Variants in RPS6KA3 observed in about 807,000 individuals in gnomAD.
The protein encoded by RPS6KA3 is ribosomal protein S6 kinase alpha-3.
Under a neutral mutation model 67.2 loss-of-function variants are expected in RPS6KA3, and 4 were observed. The ratio of observed to expected loss-of-function variants is 0.06; its 90% CI spans 0.03 to 0.14. The LOEUF (loss-of-function observed/expected upper bound fraction) is 0.14, where lower values mean the gene tolerates loss of function less well. Among genes scored for constraint, RPS6KA3 ranks in the 10% least tolerant of loss-of-function variants. The probability of loss-of-function intolerance (pLI) is 1.00; values close to 1 mark genes in which losing one functional copy is unlikely to be tolerated. For missense variants in RPS6KA3, 204 were observed against 559.0 expected (o/e 0.36, Z 6.40); for synonymous variants, 182 against 183.7 (o/e 0.99, Z 0.07).
intron 2 of RPS6KA3, among the ~76,000 whole-genome samples, chrX:20,229,633 G>A (rs1938323458): frequency 8.9e-6 from 1 of 112,164 alleles, no homozygotes; most frequent in Non-Finnish European, 1.9e-5. Context: ...CGTTCCCTAT[G>A]TAAATTATTA....
At chrX:20,204,472 G>A (rs2068523983) in intron 3 of RPS6KA3, among the ~76,000 whole-genome samples, 1 of 112,174 alleles carries the variant, frequency 8.9e-6, no homozygotes, top group Non-Finnish European at 1.9e-5. Flanking sequence ...GAATTCTACT[G>A]AGCCCGTCAA....
At chrX:20,229,709 TAATA>T (rs1337355334) in intron 2 of RPS6KA3, among the ~76,000 whole-genome samples, 1 of 112,465 alleles carries the variant, frequency 8.9e-6, no homozygotes, top group Non-Finnish European at 1.9e-5. Context: ...ATTATAAGGT[TAATA>T]AATATTTTGA....
At position 20,252,733 on chromosome X, in the gene RPS6KA3, C is replaced by A. The variant is rs180844244; in HGVS notation, c.69+13831G>T. ...GCACTATAAAGCCAAAAGCTCAGCT[C>A]CCCAAAGGACCCAGCTAACAACAGG... On this transcript the variant is annotated intron_variant, in intron 1 of 21. Coordinates refer to ENST00000379565, the MANE Select transcript of RPS6KA3 (RefSeq NM_004586.3). 3.6e-5 allele frequency among the ~76,000 whole-genome samples: 4 copies of A among 110,931 alleles called. No individual in the cohort carries two copies. The Admixed American group carries it at 3.8e-4, about 11-fold the overall frequency.
intron 3 of RPS6KA3, among the ~76,000 whole-genome samples, chrX:20,208,272 CG>C (rs943238638): frequency 2.7e-5 from 3 of 110,470 alleles, no homozygotes; most frequent in African/African-American, 9.9e-5. Flanking sequence ...AATGCTCACC[CG>C]GGGGTTGGGG....
chrX:20,227,413 G>T (rs2148770599), intron 2 of RPS6KA3, among the ~76,000 whole-genome samples: 1 of 111,445 alleles, frequency 9.0e-6, no homozygotes, highest in South Asian at 3.8e-4. Flanking sequence ...AAAATATCTT[G>T]GCTGAAAATC....
rs1411086750 is a variant in RPS6KA3 at position 20,154,293 on chromosome X, G to A, written c.*1105C>T. 1 of 112,623 alleles carries A rather than the reference G, an allele frequency of 8.9e-6. No individual in the cohort carries two copies. The highest frequency in any genetic ancestry group is 3.2e-5 in the African/African-American group (1 of 31,035). The allele number at this position is 112,623 out of a possible 1,213,427, so 9.3% of individuals were successfully genotyped here. ...AATAATGTTTTATTCCCTAAAATAA[G>A]AAAGTTTAAATCCAATTTCATACAG... On this transcript the variant is annotated 3_prime_UTR_variant, in exon 22 of 22. Transcript: ENST00000379565.
At chrX:20,264,305 T>C (rs1219939143) in intron 1 of RPS6KA3, among the ~76,000 whole-genome samples, 1 of 112,286 alleles carries the variant, frequency 8.9e-6, no homozygotes, top group Non-Finnish European at 1.9e-5. Flanking sequence ...AACATGATAG[T>C]AACTGAAATA....
intron 1 of RPS6KA3, among the ~76,000 whole-genome samples, chrX:20,252,901 G>T (rs1322819219): frequency 2.7e-5 from 3 of 110,824 alleles, no homozygotes; most frequent in Non-Finnish European, 5.7e-5. Flanking sequence ...CAACCATCTT[G>T]TTCTGCCTCG....
Position 20,168,261 on chromosome X carries a change from TG to T in RPS6KA3, c.1444-515del, listed in dbSNP as rs777928262. On this transcript the variant is annotated intron_variant, in intron 16 of 21. Transcript: ENST00000379565. ...CCAGGGAAAGATACTTTACTTGTCC[TG>T]GGGGTGGCAATGGGCAGGGCAGGCT... 1.8e-4 allele frequency among the ~76,000 whole-genome samples: 20 copies of T among 111,882 alleles called. No homozygotes were observed. In the South Asian group the frequency reaches 7.1e-3, roughly 40 times the overall value.
intron 2 of RPS6KA3, among the ~76,000 whole-genome samples, chrX:20,218,115 C>T (rs1425438114): frequency 8.9e-6 from 1 of 112,176 alleles, no homozygotes; most frequent in African/African-American, 3.2e-5. Context: ...TCCCGATCAG[C>T]AAATTTAATT....
chrX:20,182,700 C>T (rs2067874835), intron 10 of RPS6KA3, among the ~76,000 whole-genome samples: 1 of 111,620 alleles, frequency 9.0e-6, no homozygotes, highest in Non-Finnish European at 1.9e-5. Flanking sequence ...ATTCTTTTAA[C>T]ATGGGTGCAT....
rs73193576 is a variant in RPS6KA3, at chrX:20,228,827, C to T, written c.126+5931G>A. Among the ~76,000 whole-genome samples the T allele has an allele frequency of 6.4e-3, 719 of 111,846 alleles. 2 individuals carry two copies. Among genetic ancestry groups the T allele is most frequent in the Middle Eastern group, 0.028 (6 of 217 alleles). On this transcript the variant is annotated intron_variant, in intron 2 of 21. Coordinates refer to ENST00000379565, the MANE Select transcript of RPS6KA3 (RefSeq NM_004586.3). ...TATTTATATCTTGTGGTTCAAGTTA[C>T]AGATATCTTCTGATTTCAAAGACCA...
intron 2 of RPS6KA3, among the ~76,000 whole-genome samples, chrX:20,225,259 T>G (rs1399501554): frequency 7.4e-4 from 76 of 102,538 alleles, no homozygotes; most frequent in African/African-American, 2.6e-3. Flanking sequence ...TTTTTTGTTT[T>G]TTTTTTTTTT....
intron 10 of RPS6KA3, among the ~76,000 whole-genome samples, chrX:20,185,290 T>C (rs926207963): frequency 8.9e-6 from 1 of 111,963 alleles, no homozygotes; most frequent in African/African-American, 3.2e-5. Context: ...ATGGAATAGA[T>C]TTTTGTTTAT....
At chrX:20,203,389 G>C (rs1455884469) in intron 4 of RPS6KA3, 2 of 109,512 alleles carry the variant, frequency 1.8e-5, no homozygotes, top group African/African-American at 3.3e-5. Context: ...CAGCCTCTGA[G>C]TAGCTGGAAT....
At chrX:20,168,006 C>T (rs1407557223) in intron 16 of RPS6KA3, among the ~76,000 whole-genome samples, 1 of 112,080 alleles carries the variant, frequency 8.9e-6, no homozygotes, top group South Asian at 3.7e-4. Flanking sequence ...TGCCACCACA[C>T]CTGGCTAATT....
rs183756304 is a variant in RPS6KA3, at chrX:20,225,215, T to C, written c.126+9543A>G. 1.5e-3 allele frequency among the ~76,000 whole-genome samples: 156 copies of C among 105,042 alleles called. 1 individual carries two copies. Among genetic ancestry groups the C allele is most frequent in the African/African-American group, 5.1e-3 (147 of 28,653 alleles). 91.2% of individuals were successfully genotyped at this position (105,042 alleles called of 115,157 possible). On this transcript the variant is annotated intron_variant, in intron 2 of 21. Coordinates refer to ENST00000379565, the MANE Select transcript of RPS6KA3 (RefSeq NM_004586.3). ...GCACCATAGGAGGGAAGGTAAGCCATGATAAAAAGGGGAGGTTTTTTTTTT... is the reference window on the plus strand; with the variant it reads ...GCACCATAGGAGGGAAGGTAAGCCACGATAAAAAGGGGAGGTTTTTTTTTT...
At chrX:20,256,172 CAAAAAAAA>C (rs35947983) in intron 1 of RPS6KA3, among the ~76,000 whole-genome samples, 32 of 14,453 alleles carry the variant, frequency 2.2e-3, no homozygotes, top group Non-Finnish European at 1.5e-3. Flanking sequence ...GACACCGTCT[CAAAAAAAA>C]AAAAAAAAAA....
At chrX:20,174,839 C>G (rs1201738922) in intron 14 of RPS6KA3, among the ~76,000 whole-genome samples, 2 of 111,955 alleles carry the variant, frequency 1.8e-5, no homozygotes, top group Non-Finnish European at 3.8e-5. Context: ...ACTGCAACCT[C>G]TGCCTCAGAA....
Sources: allele counts gnomAD v4.1 joint callset (sites outside exome capture counted in the v4.1 genomes callset), GRCh38; gene constraint gnomAD v4.1.1; transcripts MANE v1.5; gene names NCBI Gene and HGNC (gene_info 2026-07-23, HGNC 2026-07-21).